Variants in KCNH8 observed in about 807,000 individuals in gnomAD.
The protein encoded by KCNH8 is potassium voltage-gated channel subfamily H member 8.
Under a neutral mutation model 103.6 loss-of-function variants are expected in KCNH8, and 70 were observed. That is an observed-to-expected ratio of 0.68 (90% confidence interval 0.56 to 0.82). KCNH8 has a LOEUF of 0.82. KCNH8 is among the 40% of genes least tolerant of loss of function. The pLI, the probability that KCNH8 is intolerant of heterozygous loss-of-function variation, is 0.00. For missense variants in KCNH8, 1,217 were observed against 1,329.9 expected (o/e 0.92, Z 1.32); for synonymous variants, 498 against 489.4 (o/e 1.02, Z -0.23).
intron 1 of KCNH8, among the ~76,000 whole-genome samples, chr3:19,251,898 GTATT>G (rs575375505): frequency 3.9e-5 from 6 of 152,038 alleles, no homozygotes; most frequent in African/African-American, 1.2e-4. Flanking sequence ...GCATATATAT[GTATT>G]TATTTCAGAT....
At chr3:19,331,621 A>G (rs1238614819) in intron 3 of KCNH8, among the ~76,000 whole-genome samples, 3 of 152,136 alleles carry the variant, frequency 2.0e-5, no homozygotes, top group African/African-American at 4.8e-5. Flanking sequence ...GGTACATCAT[A>G]GATGTAGGTA....
chr3:19,340,605 A>C (rs1193874995), intron 3 of KCNH8, among the ~76,000 whole-genome samples: 2 of 152,138 alleles, frequency 1.3e-5, no homozygotes, highest in African/African-American at 4.8e-5. Flanking sequence ...GAAAGAAAAT[A>C]ATATAGCTAG....
intron 7 of KCNH8, among the ~76,000 whole-genome samples, chr3:19,427,337 T>C (rs116175600): frequency 0.011 from 1,698 of 152,328 alleles, 33 homozygotes; most frequent in African/African-American, 0.038. Context: ...TTCAAATCCA[T>C]TGAAAAGGCA....
chr3:19,510,286 C>T (rs536946346), intron 11 of KCNH8, 77 bp from the exon 12 acceptor site: 2 of 874,908 alleles, frequency 2.3e-6, no homozygotes, highest in East Asian at 2.5e-5. Flanking sequence ...CTTCTCTTTC[C>T]TCTGCCTGCT....
chr3:19,302,830 C>G (rs935679531), intron 3 of KCNH8, among the ~76,000 whole-genome samples: 3 of 152,154 alleles, frequency 2.0e-5, no homozygotes, highest in Admixed American at 1.3e-4. Flanking sequence ...TGTCTCGTCA[C>G]TACTGAGTTT....
At chr3:19,275,107 C>A (rs2064649076) in intron 2 of KCNH8, among the ~76,000 whole-genome samples, 1 of 151,138 alleles carries the variant, frequency 6.6e-6, no homozygotes, top group African/African-American at 2.4e-5. Flanking sequence ...CAGAATCCTA[C>A]TATATATTTC....
chr3:19,215,076 A>G (rs1323486471), intron 1 of KCNH8, among the ~76,000 whole-genome samples: 2 of 152,158 alleles, frequency 1.3e-5, no homozygotes, highest in Non-Finnish European at 2.9e-5. Flanking sequence ...TCTTCCCTAG[A>G]ATGTGGGCCA....
chr3:19,227,052 T>C (rs1210349656), intron 1 of KCNH8, among the ~76,000 whole-genome samples: 1 of 152,174 alleles, frequency 6.6e-6, no homozygotes, highest in Non-Finnish European at 1.5e-5. Context: ...TTTCAAATCA[T>C]TGCAATCACT....
intron 7 of KCNH8, among the ~76,000 whole-genome samples, chr3:19,424,607 A>G (rs2125159956): frequency 6.6e-6 from 1 of 152,292 alleles, no homozygotes; most frequent in East Asian, 1.9e-4. Context: ...AAAAATAAAT[A>G]GATTAGACCT....
chr3:19,369,987 G>A (rs1026383262), intron 5 of KCNH8, among the ~76,000 whole-genome samples: 23 of 152,010 alleles, frequency 1.5e-4, no homozygotes, highest in African/African-American at 4.6e-4. Context: ...TTTTAATAAA[G>A]TGTATGCCTG....
intron 1 of KCNH8, among the ~76,000 whole-genome samples, chr3:19,152,683 C>A (rs1446972532): frequency 6.6e-6 from 1 of 152,230 alleles, no homozygotes; most frequent in Non-Finnish European, 1.5e-5. Flanking sequence ...CGCCTGTAAT[C>A]CCAGCACTTT....
chr3:19,466,055 C>G (rs554639777), intron 11 of KCNH8, among the ~76,000 whole-genome samples: 95 of 152,150 alleles, frequency 6.2e-4, no homozygotes, highest in African/African-American at 2.1e-3. Flanking sequence ...CAACCTCAGC[C>G]TCCCATGCAC....
chr3:19,450,422 C>T, intron 9 of KCNH8, 117 bp downstream of exon 9: 1 of 778,280 alleles, frequency 1.3e-6, no homozygotes, highest in South Asian at 1.6e-5. Context: ...TATTCCTTTA[C>T]ATTTTTAATT....
intron 1 of KCNH8, among the ~76,000 whole-genome samples, chr3:19,197,051 A>T (rs886484983): frequency 6.6e-6 from 1 of 152,032 alleles, no homozygotes; most frequent in African/African-American, 2.4e-5. Context: ...AACTCTGTAC[A>T]TTAGTGTTCA....
intron 3 of KCNH8, among the ~76,000 whole-genome samples, chr3:19,323,604 T>C (rs964599361): frequency 1.6e-4 from 25 of 152,152 alleles, no homozygotes; most frequent in African/African-American, 6.0e-4. Context: ...CAGAATTGAT[T>C]TTCTGGTTCC....
intron 1 of KCNH8, among the ~76,000 whole-genome samples, chr3:19,196,093 C>T (rs1395607993): frequency 6.6e-6 from 1 of 151,916 alleles, no homozygotes; most frequent in East Asian, 1.9e-4. Flanking sequence ...ACCCTGTTGC[C>T]AAGTCTGGCT....
chr3:19,245,319 G>T (rs1462036573), intron 1 of KCNH8, among the ~76,000 whole-genome samples: 3 of 152,056 alleles, frequency 2.0e-5, no homozygotes, highest in African/African-American at 7.2e-5. Context: ...TGGTCTATGT[G>T]TCTGTTTTTG....
intron 1 of KCNH8, among the ~76,000 whole-genome samples, chr3:19,219,335 T>G (rs1485276125): frequency 6.6e-6 from 1 of 152,196 alleles, no homozygotes; most frequent in Admixed American, 6.5e-5. Context: ...TTTTCTTTTT[T>G]CCATAGTATT....
chr3:19,341,617 A>G (rs548048802), intron 3 of KCNH8, among the ~76,000 whole-genome samples: 1 of 152,170 alleles, frequency 6.6e-6, no homozygotes, highest in African/African-American at 2.4e-5. Context: ...ATTGCAAATA[A>G]ATTTAAAAAC....
Sources: gnomAD v4.1 joint callset for allele counts (sites outside exome capture counted in the v4.1 genomes callset) on GRCh38, gnomAD v4.1.1 for gene constraint, MANE v1.5 for transcripts, NCBI Gene and HGNC (gene_info 2026-07-23, HGNC 2026-07-21) for gene names.